The following TFCP2 variants were observed in gnomAD, a reference collection of about 807,000 sequenced individuals.
The protein encoded by TFCP2 is transcription factor CP2.
In TFCP2, 33 loss-of-function variants were observed where a neutral mutation model predicts 73.4. The observed-to-expected ratio is 0.45, with a 90% CI of 0.34 to 0.60. TFCP2 has a LOEUF of 0.60. TFCP2 is among the 20% of genes least tolerant of loss of function. TFCP2 has a pLI of 0.01. For synonymous variants in TFCP2, 193 were observed against 211.6 expected (o/e 0.91, Z 0.76); for missense variants, 352 against 604.0 (o/e 0.58, Z 4.37).
chr12:51,109,314 A>G, intron 5 of TFCP2, 41 bp from the exon 6 acceptor site: 1 of 1,601,434 alleles, frequency 6.2e-7, no homozygotes, highest in Non-Finnish European at 8.5e-7. Flanking sequence ...ACCGCTAGCT[A>G]GCCAAACCAG....
At chr12:51,144,636 T>A (rs1356902740) in intron 1 of TFCP2, among the ~76,000 whole-genome samples, 1 of 152,176 alleles carries the variant, frequency 6.6e-6, no homozygotes, top group Admixed American at 6.5e-5. Flanking sequence ...AAAAATGGAA[T>A]TGGAGCCTTA....
intron 4 of TFCP2, among the ~76,000 whole-genome samples, chr12:51,114,216 A>G (rs1940463188): frequency 6.6e-6 from 1 of 152,192 alleles, no homozygotes; most frequent in Non-Finnish European, 1.5e-5. Context: ...TATCCAGAAT[A>G]TTTTAAAAAT....
At chr12:51,164,169 C>T (rs993298921) in intron 1 of TFCP2, among the ~76,000 whole-genome samples, 5 of 152,280 alleles carry the variant, frequency 3.3e-5, no homozygotes, top group African/African-American at 4.8e-5. Flanking sequence ...ACCACTGCAT[C>T]ATTCCAGCCT....
intron 1 of TFCP2, among the ~76,000 whole-genome samples, chr12:51,126,300 G>A (rs1940817943): frequency 6.6e-6 from 1 of 151,632 alleles, no homozygotes. Context: ...TAAGTTGAGT[G>A]TATGTTAAAA....
intron 1 of TFCP2, chr12:51,125,074 A>T (rs1184226618): frequency 1.3e-6 from 1 of 755,156 alleles, no homozygotes. Flanking sequence ...GGCTCATCAT[A>T]GTCCTCTCCG....
At chr12:51,125,115 G>T in intron 1 of TFCP2, 1 of 751,438 alleles carries the variant, frequency 1.3e-6, no homozygotes, top group Non-Finnish European at 2.5e-6. Flanking sequence ...AAGCTGGCTA[G>T]CAACAGGCTG....
intron 1 of TFCP2, among the ~76,000 whole-genome samples, chr12:51,137,766 A>G (rs1941093829): frequency 1.3e-5 from 2 of 152,238 alleles, no homozygotes; most frequent in South Asian, 2.1e-4. Flanking sequence ...GTATTCAAAG[A>G]TCAAATGTAT....
At chr12:51,135,565 G>A (rs922839142) in intron 1 of TFCP2, among the ~76,000 whole-genome samples, 1 of 152,158 alleles carries the variant, frequency 6.6e-6, no homozygotes, top group Non-Finnish European at 1.5e-5. Flanking sequence ...CTGTATGAAA[G>A]GCATATAAAT....
chr12:51,120,875 A>T (rs1475719761), intron 1 of TFCP2, among the ~76,000 whole-genome samples: 1 of 139,412 alleles, frequency 7.2e-6, no homozygotes, highest in African/African-American at 2.7e-5. Context: ...GTGCCACTGC[A>T]CTCCAGCCTG....
intron 1 of TFCP2, among the ~76,000 whole-genome samples, chr12:51,171,538 C>A (rs1344133057): frequency 6.6e-6 from 1 of 152,098 alleles, no homozygotes; most frequent in Admixed American, 6.5e-5. Flanking sequence ...CCACCACACC[C>A]GGCTAATTTT....
chr12:51,125,964 C>G (rs1330380906), intron 1 of TFCP2, among the ~76,000 whole-genome samples: 4 of 152,132 alleles, frequency 2.6e-5, no homozygotes, highest in Admixed American at 1.3e-4. Context: ...GGCACGGTGG[C>G]TCACGCCTGT....
At chr12:51,098,639 T>G in intron 13 of TFCP2, 137 bp downstream of exon 13, 2 of 1,004,246 alleles carry the variant, frequency 2.0e-6, no homozygotes, top group Admixed American at 3.0e-5. Context: ...AAAAAAAAAT[T>G]AGGAGGAAAG....
At chr12:51,112,923 A>T (rs1245082976) in intron 4 of TFCP2, among the ~76,000 whole-genome samples, 3 of 151,924 alleles carry the variant, frequency 2.0e-5, no homozygotes, top group Non-Finnish European at 4.4e-5. Flanking sequence ...AAATAATCCT[A>T]TAACAGAGTG....
chr12:51,103,566 C>T (rs1940159836), intron 10 of TFCP2, 104 bp downstream of exon 10: 5 of 773,960 alleles, frequency 6.5e-6, no homozygotes, highest in Middle Eastern at 3.1e-4. Flanking sequence ...AGTAAGATCT[C>T]TCATACACAT....
Position 51,101,998 on chromosome 12 carries a change from T to G in TFCP2, c.1088A>C (p.Asp363Ala). The change falls in exon 11 of 15, where the codon GAT (aspartate) becomes GCT (alanine). Residue 363 changes from aspartate (D) to alanine (A), a missense_variant. By Grantham distance (126) the Asp-to-Ala change is moderately radical (BLOSUM62 -2). Coordinates refer to ENST00000257915, the MANE Select transcript of TFCP2 (RefSeq NM_005653.5). ...AGGGCCACAGATTTGGATCACATCA[T>G]CTCTAGTTAATTTCAATAAATCTGC... Reference protein sequence around the residue: ...SGADLLKLTRDDVIQICGPAD... With the variant: ...SGADLLKLTRADVIQICGPAD... 1 of 1,612,940 alleles carries G rather than the reference T, an allele frequency of 6.2e-7. No individual in the cohort carries two copies. Among genetic ancestry groups the G allele is most frequent in the Non-Finnish European group, 8.5e-7 (1 of 1,179,144 alleles).
chr12:51,142,179 G>A (rs1304263201), intron 1 of TFCP2, among the ~76,000 whole-genome samples: 4 of 136,802 alleles, frequency 2.9e-5, no homozygotes, highest in East Asian at 4.4e-4. Context: ...ACTCCAGCCT[G>A]GGTGACAGAG....
intron 1 of TFCP2, among the ~76,000 whole-genome samples, chr12:51,154,943 G>A (rs1356014057): frequency 6.6e-6 from 1 of 152,186 alleles, no homozygotes; most frequent in Admixed American, 6.5e-5. Flanking sequence ...ATTTCTGACT[G>A]TATCTGTGAG....
At chr12:51,106,769 C>G in intron 7 of TFCP2, 156 bp from the exon 8 acceptor site, 4 of 634,962 alleles carry the variant, frequency 6.3e-6, no homozygotes, top group Non-Finnish European at 1.1e-5. Context: ...TTTCCGCCAT[C>G]TTGGAGCCTG....
Position 51,109,271 on chromosome 12 carries a change from C to A in TFCP2, c.567G>T (p.Val189=). ...PAKRTSVFIQ[V]HCISTEFTMR... is the part of the protein sequence containing the mutation. ...TAGTGAACTCTGTGCTAATACAGTG[C>A]ACCTGAAAAGAATACAACAGCAAGG... Residue 189 remains valine (V), a splice_region_variant and synonymous_variant, in exon 6 of 15, where the codon GTG becomes GTT. Coordinates refer to ENST00000257915, the MANE Select transcript of TFCP2 (RefSeq NM_005653.5). 6.2e-7 allele frequency: 1 copy of A among 1,614,074 alleles called. No homozygotes were observed. The highest frequency in any genetic ancestry group is 8.5e-7 in the Non-Finnish European group (1 of 1,179,980).
Sources: allele counts gnomAD v4.1 joint callset (sites outside exome capture counted in the v4.1 genomes callset), GRCh38; gene constraint gnomAD v4.1.1; transcripts MANE v1.5; gene names NCBI Gene and HGNC (gene_info 2026-07-23, HGNC 2026-07-21).